FOXO3: variants seen among roughly 807,000 people sequenced by gnomAD.
FOXO3 encodes forkhead box O3.
A neutral mutation model predicts 41.9 loss-of-function variants in FOXO3; 4 were observed. The ratio of observed to expected loss-of-function variants is 0.10; its 90% CI spans 0.05 to 0.22. FOXO3 has a LOEUF of 0.22. Ranked by LOEUF, FOXO3 falls within the 10% of genes least tolerant of loss-of-function variation. The pLI is 1.00. For synonymous variants in FOXO3, 318 were observed against 389.3 expected (o/e 0.82, Z 2.16); for missense variants, 534 against 906.8 (o/e 0.59, Z 5.28).
chr6:108,657,012 C>G (rs1778706966), intron 1 of FOXO3, among the ~76,000 whole-genome samples: 1 of 152,190 alleles, frequency 6.6e-6, no homozygotes, highest in Non-Finnish European at 1.5e-5. Context: ...ATGCTGCCTC[C>G]TTCACACACC....
intron 1 of FOXO3, among the ~76,000 whole-genome samples, chr6:108,621,941 A>G (rs1246112666): frequency 1.3e-5 from 2 of 152,080 alleles, no homozygotes; most frequent in African/African-American, 4.8e-5. Flanking sequence ...CAAGTTTTGT[A>G]TGGAGAGTCG....
intron 1 of FOXO3, among the ~76,000 whole-genome samples, chr6:108,619,260 C>T (rs1777602321): frequency 1.3e-5 from 2 of 152,170 alleles, no homozygotes; most frequent in Non-Finnish European, 1.5e-5. Context: ...GTAACACAGA[C>T]GTGGCATTCT....
At chr6:108,635,601 G>A (rs1209954592) in intron 1 of FOXO3, among the ~76,000 whole-genome samples, 1 of 152,170 alleles carries the variant, frequency 6.6e-6, no homozygotes, top group African/African-American at 2.4e-5. Context: ...CATGTCAGGA[G>A]CTGAGCTGCA....
intron 1 of FOXO3, chr6:108,656,307 CTG>C: frequency 3.1e-6 from 3 of 956,810 alleles, no homozygotes; most frequent in Non-Finnish European, 3.7e-6. Flanking sequence ...AAAAACCTCT[CTG>C]TGTTCCAGGG....
rs1582847660 is a variant in FOXO3, at chr6:108,681,283, A to G, written c.*1491A>G. On this transcript the variant is annotated 3_prime_UTR_variant, in exon 3 of 3. Coordinates refer to ENST00000406360, the MANE Select transcript of FOXO3 (RefSeq NM_001455.4). ...GATATATGAAGACTCTTTTCTTTGC[A>G]TAAAAAGCATTAGGCATATAAATGT... 1 of 152,708 alleles carries G rather than the reference A, an allele frequency of 6.5e-6. No individual in the cohort carries two copies. Among genetic ancestry groups the G allele is most frequent in the African/African-American group, 2.4e-5 (1 of 41,474 alleles). 9.5% of individuals were successfully genotyped at this position (152,708 alleles called of 1,614,324 possible).
chr6:108,601,037 T>A (rs1777038657), intron 1 of FOXO3, among the ~76,000 whole-genome samples: 1 of 152,160 alleles, frequency 6.6e-6, no homozygotes, highest in Admixed American at 6.5e-5. Context: ...TGACGGAGTC[T>A]TGCTCTGTCC....
At chr6:108,560,866 G>A (rs1775758647), upstream of FOXO3, 4 of 821,328 alleles carry the variant, frequency 4.9e-6, no homozygotes, top group Non-Finnish European at 6.5e-6. Context: ...GGGCTGCCCC[G>A]CGCGAGGCCG....
At chr6:108,623,036 C>G (rs1304364366) in intron 1 of FOXO3, among the ~76,000 whole-genome samples, 3 of 152,152 alleles carry the variant, frequency 2.0e-5, no homozygotes, top group Middle Eastern at 3.4e-3. Flanking sequence ...AGGATGGACC[C>G]TCTGTGTCCA....
chr6:108,657,754 C>T (rs1045878663), intron 1 of FOXO3, among the ~76,000 whole-genome samples: 3 of 152,140 alleles, frequency 2.0e-5, no homozygotes, highest in African/African-American at 7.2e-5. Context: ...TGAAATATTA[C>T]AGAAATTGTA....
chr6:108,654,379 A>G (rs1778629289), intron 1 of FOXO3, among the ~76,000 whole-genome samples: 1 of 152,206 alleles, frequency 6.6e-6, no homozygotes. Context: ...GTATAGTGGT[A>G]GTCATCTTTT....
At chr6:108,665,343 G>A (rs938404952) in intron 2 of FOXO3, among the ~76,000 whole-genome samples, 1 of 152,158 alleles carries the variant, frequency 6.6e-6, no homozygotes, top group Non-Finnish European at 1.5e-5. Context: ...AATCTTCAGT[G>A]TTACATGTTC....
At chr6:108,666,638 C>T (rs1157624608) in intron 2 of FOXO3, among the ~76,000 whole-genome samples, 2 of 151,994 alleles carry the variant, frequency 1.3e-5, no homozygotes, top group African/African-American at 4.8e-5. Context: ...CCACCGTGCC[C>T]GGCCTAGATT....
intron 1 of FOXO3, among the ~76,000 whole-genome samples, chr6:108,607,638 C>G (rs1562242531): frequency 6.6e-6 from 1 of 152,136 alleles, no homozygotes; most frequent in East Asian, 1.9e-4. Flanking sequence ...TCTTTTCAGT[C>G]TCTAAAGTCT....
chr6:108,561,481 G>T lies in FOXO3; in HGVS notation c.273G>T (p.Gly91=). 1.3e-6 allele frequency: 2 copies of T among 1,512,164 alleles called. No individual in the cohort carries two copies. Among genetic ancestry groups the T allele is most frequent in the Non-Finnish European group, 8.8e-7 (1 of 1,133,934 alleles). 93.7% of individuals were successfully genotyped at this position (1,512,164 alleles called of 1,614,324 possible). The part of the protein sequence containing the change: ...GGGGSGTLGS[G]LLLEDSARVL... ...GCGGGAGCGGCACGCTGGGCTCCGG[G>T]CTGCTCCTTGAGGACTCGGCCCGGG... The change falls in exon 1 of 3, where the codon GGG becomes GGT. Residue 91 remains glycine (G), a synonymous_variant. Coordinates refer to ENST00000406360, the MANE Select transcript of FOXO3 (RefSeq NM_001455.4).
intron 1 of FOXO3, among the ~76,000 whole-genome samples, chr6:108,627,313 C>A (rs761525119): frequency 6.6e-6 from 1 of 152,102 alleles, no homozygotes; most frequent in Non-Finnish European, 1.5e-5. Flanking sequence ...ACACTTGGAT[C>A]TCTTGCGTAT....
intron 1 of FOXO3, among the ~76,000 whole-genome samples, chr6:108,586,763 G>C (rs1459377294): frequency 6.6e-6 from 1 of 151,912 alleles, no homozygotes; most frequent in East Asian, 1.9e-4. Context: ...CAGGGGGCTG[G>C]TATGTAGTTG....
chr6:108,601,518 G>A (rs1259286577), intron 1 of FOXO3, among the ~76,000 whole-genome samples: 1 of 152,050 alleles, frequency 6.6e-6, no homozygotes, highest in African/African-American at 2.4e-5. Context: ...TGGCCAGGCT[G>A]GTCTTAAACT....
At chr6:108,576,285 C>T (rs1259343623) in intron 1 of FOXO3, among the ~76,000 whole-genome samples, 19 of 152,260 alleles carry the variant, frequency 1.2e-4, no homozygotes, top group Non-Finnish European at 2.5e-4. Context: ...GTGATTTGGG[C>T]CATATTTTAG....
At position 108,648,493 on chromosome 6, in the gene FOXO3, G is replaced by A. The variant is rs548856727; in HGVS notation, c.622-14962G>A. 9.8e-5 allele frequency among the ~76,000 whole-genome samples: 15 copies of A among 152,288 alleles called. No homozygotes were observed. The East Asian group carries it at 2.9e-3, about 29-fold the overall frequency. On this transcript the variant is annotated intron_variant, in intron 1 of 2. Coordinates refer to ENST00000406360, the MANE Select transcript of FOXO3 (RefSeq NM_001455.4). ...TTATTGTCGTAAAGCCTTAAGGGTC[G>A]TTGGCAGAGCCAGGTCAGAGCATTC... is the stretch of plus-strand genomic sequence containing the variant.
Sources: allele counts gnomAD v4.1 joint callset (sites outside exome capture counted in the v4.1 genomes callset), GRCh38; gene constraint gnomAD v4.1.1; transcripts MANE v1.5; gene names NCBI Gene and HGNC (gene_info 2026-07-23, HGNC 2026-07-21).